Variants in STRN3 observed in about 807,000 individuals in gnomAD.
STRN3 encodes striatin 3, also known as striatin-3.
STRN3 carries 29 observed loss-of-function variants against 95.6 expected under a neutral mutation model. The observed-to-expected ratio is 0.30, with a 90% CI of 0.23 to 0.41. STRN3 has a LOEUF of 0.41. Ranked by LOEUF, STRN3 falls within the 10% of genes least tolerant of loss-of-function variation. The pLI is 1.00. For synonymous variants in STRN3, 331 were observed against 357.6 expected, an observed-to-expected ratio of 0.93 and a Z score of 0.84; for missense variants, 890 against 972.1, an observed-to-expected ratio of 0.92 and a Z score of 1.12.
chr14:30,987,810 G>A (rs918800029), intron 1 of STRN3, among the ~76,000 whole-genome samples: 1 of 151,506 alleles, frequency 6.6e-6, no homozygotes, highest in Non-Finnish European at 1.5e-5. Flanking sequence ...CGCGGTCTTG[G>A]TACTGCAACC....
At chr14:30,966,104 A>T (rs533881334) in intron 1 of STRN3, among the ~76,000 whole-genome samples, 6 of 152,164 alleles carry the variant, frequency 3.9e-5, no homozygotes, top group Non-Finnish European at 7.4e-5. Context: ...TCACCCTGTC[A>T]TTCTCTTTTA....
chr14:30,904,587 G>A (rs1388301213), intron 15 of STRN3, among the ~76,000 whole-genome samples: 1 of 151,998 alleles, frequency 6.6e-6, no homozygotes, highest in Non-Finnish European at 1.5e-5. Context: ...ATAAAGAGAT[G>A]TTCTTTTTTA....
intron 1 of STRN3, among the ~76,000 whole-genome samples, chr14:31,019,421 C>T (rs1169190228): frequency 6.6e-6 from 1 of 152,128 alleles, no homozygotes; most frequent in Middle Eastern, 3.2e-3. Context: ...ATGAGTGACA[C>T]GTTTGTGGGA....
At chr14:31,024,411 T>C (rs1883678555) in intron 1 of STRN3, among the ~76,000 whole-genome samples, 1 of 152,234 alleles carries the variant, frequency 6.6e-6, no homozygotes, top group South Asian at 2.1e-4. Context: ...ATTTTAAGTA[T>C]GTTAAAGCAG....
chr14:30,944,086 A>C (rs190000492), intron 5 of STRN3, among the ~76,000 whole-genome samples: 2 of 152,190 alleles, frequency 1.3e-5, no homozygotes, highest in Admixed American at 1.3e-4. Flanking sequence ...CAAAGGCAAG[A>C]AGCTTTACAA....
At chr14:30,931,012 T>C (rs1052271772) in intron 7 of STRN3, among the ~76,000 whole-genome samples, 3 of 152,104 alleles carry the variant, frequency 2.0e-5, no homozygotes, top group African/African-American at 7.2e-5. Flanking sequence ...AATAGTTTTC[T>C]AAAAGACCTG....
At chr14:30,944,557 A>ATATACATGTATATATACACG (rs1357308205) in intron 5 of STRN3, among the ~76,000 whole-genome samples, 9 of 67,454 alleles carry the variant, frequency 1.3e-4, no homozygotes, top group Non-Finnish European at 2.7e-4. Flanking sequence ...ATACACGTAT[A>ATATACATGTATATATACACG]TATATATATA....
At position 30,929,960 on chromosome 14, in the gene STRN3, A is replaced by ACAAAACAAAAC. The variant is rs1566441354; in HGVS notation, c.989-650_989-649insGTTTTGTTTTG. Among the ~76,000 whole-genome samples, 13 of 142,952 alleles carry ACAAAACAAAAC rather than the reference A, an allele frequency of 9.1e-5. 1 individual carries two copies. The highest frequency in any genetic ancestry group is 3.3e-4 in the African/African-American group (13 of 39,258). The allele number at this position is 142,952 out of a possible 152,430, so 93.8% of individuals were successfully genotyped here. A position where few individuals can be genotyped will look rare whatever the true frequency, so the allele number is the denominator to read the frequency against. ...GGTCTACAACTAAGATTAGCAAAAA[A>ACAAAACAAAAC]AAAAAAAAAAAAAAAAAAACTCAAA... is the stretch of plus-strand genomic sequence containing the variant. On this transcript the variant is annotated intron_variant, in intron 7 of 17. Transcript: ENST00000357479.
intron 1 of STRN3, 108 bp from the exon 2 acceptor site, chr14:30,956,350 AAG>A (rs1265368747): frequency 9.6e-6 from 10 of 1,038,132 alleles, no homozygotes; most frequent in Admixed American, 6.8e-5. Context: ...TCATGATATC[AAG>A]ATTTTAAATT....
intron 1 of STRN3, among the ~76,000 whole-genome samples, chr14:30,961,756 A>C (rs1200669304): frequency 6.6e-6 from 1 of 152,156 alleles, no homozygotes; most frequent in African/African-American, 2.4e-5. Flanking sequence ...GGCTCGGGCC[A>C]CCAGCCAGGC....
rs1896473089 is a variant in STRN3 at position 30,906,816 on chromosome 14, C to T, written c.1888+61G>A. ...AAAGAAATACATCAATTACTTTGTCCTTTATATATTCCAATTTTTTAAAAA... is the reference window on the plus strand; with the variant it reads ...AAAGAAATACATCAATTACTTTGTCTTTTATATATTCCAATTTTTTAAAAA... On this transcript the variant is annotated intron_variant, in intron 14 of 17. Transcript: ENST00000357479. 4 of 1,489,040 alleles carry T rather than the reference C, an allele frequency of 2.7e-6. No individual in the cohort carries two copies. In the South Asian group the frequency reaches 5.1e-5, roughly 19 times the overall value. 92.2% of individuals were successfully genotyped at this position (1,489,040 alleles called of 1,614,324 possible). A position where few individuals can be genotyped will look rare whatever the true frequency, so the allele number is the denominator to read the frequency against.
intron 1 of STRN3, among the ~76,000 whole-genome samples, chr14:30,963,264 A>T (rs1253017312): frequency 6.6e-6 from 1 of 152,182 alleles, no homozygotes; most frequent in Non-Finnish European, 1.5e-5. Flanking sequence ...TAAGGAAGAA[A>T]ATAGAGGATC....
At chr14:30,987,741 AT>A (rs201844143) in intron 1 of STRN3, among the ~76,000 whole-genome samples, 13,817 of 145,204 alleles carry the variant, frequency 0.095, 1,004 homozygotes, top group East Asian at 0.24. Flanking sequence ...GTTGAATATA[AT>A]TTTTTTTTTT....
chr14:30,970,764 G>T (rs1880788678), intron 1 of STRN3, among the ~76,000 whole-genome samples: 1 of 152,208 alleles, frequency 6.6e-6, no homozygotes, highest in Non-Finnish European at 1.5e-5. Context: ...TTTGGCAATT[G>T]AGACAAGATA....
intron 1 of STRN3, among the ~76,000 whole-genome samples, chr14:31,010,065 T>C (rs1882898789): frequency 2.0e-5 from 3 of 152,014 alleles, no homozygotes; most frequent in Non-Finnish European, 1.5e-5. Context: ...ATTGATAGCA[T>C]CACTGAACTC....
In STRN3 at chr14:30,924,391, G is replaced by A. The variant is rs150500338; in HGVS notation, c.1099+4810C>T. Among the ~76,000 whole-genome samples the A allele has an allele frequency of 9.6e-3, 1,417 of 147,792 alleles. 26 individuals are homozygous for A. The highest frequency in any genetic ancestry group is 0.033 in the African/African-American group (1,314 of 40,100). ...CAACCTCCGTCTCCTGGGTTCAAGC[G>A]ATTCTCCTGCCTCAGCCTCCCCAAG... is the stretch of plus-strand genomic sequence containing the variant. On this transcript the variant is annotated intron_variant, in intron 8 of 17. Coordinates refer to ENST00000357479, the MANE Select transcript of STRN3 (RefSeq NM_001083893.2).
rs960853816 is a variant in STRN3, at chr14:30,943,039, C to T, written c.716+4051G>A. On this transcript the variant is annotated intron_variant, in intron 5 of 17. Transcript: ENST00000357479. The stretch of plus-strand genomic sequence containing the variant: ...ATATTCTTAACCATTAGGCATACTG[C>T]CTCTAAAATATGAATCTGAAATTTA... Among the ~76,000 whole-genome samples, 4 of 152,166 alleles carry T rather than the reference C, an allele frequency of 2.6e-5. No homozygotes were observed. In the East Asian group the frequency reaches 5.8e-4, roughly 22 times the overall value.
intron 1 of STRN3, among the ~76,000 whole-genome samples, chr14:30,990,654 CTATCTGT>C (rs142147540): frequency 2.0e-3 from 301 of 152,294 alleles, no homozygotes; most frequent in African/African-American, 6.9e-3. Context: ...TTGGCCCTCA[CTATCTGT>C]GAGGGAGCGG....
rs771925063 is a variant in STRN3, at chr14:30,956,204, T to G, written c.321A>C (p.Gln107His). 1.2e-6 allele frequency: 2 copies of G among 1,614,010 alleles called. No individual in the cohort carries two copies. Among genetic ancestry groups the G allele is most frequent in the Non-Finnish European group, 1.7e-6 (2 of 1,179,976 alleles). The stretch of plus-strand genomic sequence containing the variant: ...TTACTAAGTCCTTCTTCAGGTTCTC[T>G]TGACCTTTTCTTTCGCCTTGTAGAA... ...IAFLQGERKG[Q>H]ENLKKDLVRR... Residue 107 changes from glutamine to histidine, a missense_variant, in exon 2 of 18, where the codon CAA becomes CAC. Gln to His is a conservative substitution (Grantham distance 24). Transcript: ENST00000357479.
Sources: gnomAD v4.1 joint callset for allele counts (sites outside exome capture counted in the v4.1 genomes callset) on GRCh38, gnomAD v4.1.1 for gene constraint, MANE v1.5 for transcripts, NCBI Gene and HGNC (gene_info 2026-07-23, HGNC 2026-07-21) for gene names.